Variants in SPAG16 observed in about 807,000 individuals in gnomAD.
SPAG16 encodes sperm-associated antigen 16 protein.
SPAG16 carries 86 observed loss-of-function variants against 80.4 expected under a neutral mutation model. The ratio of observed to expected loss-of-function variants is 1.07; its 90% confidence interval spans 0.90 to 1.28. SPAG16 has a LOEUF of 1.28. SPAG16 is among the 50% of genes most tolerant of loss of function. The pLI, the probability that SPAG16 is intolerant of heterozygous loss-of-function variation, is 0.00. For synonymous variants in SPAG16, 294 were observed against 265.9 expected, an observed-to-expected ratio of 1.11 and a Z score of -1.03; for missense variants, 870 against 765.3, an observed-to-expected ratio of 1.14 and a Z score of -1.61.
chr2:213,443,084 T>A lies in SPAG16; in HGVS notation c.943-46879T>A, dbSNP rs147966926. 7.2e-5 allele frequency among the ~76,000 whole-genome samples: 11 copies of A among 152,290 alleles called. No homozygotes were observed. In the East Asian group the frequency reaches 1.7e-3, roughly 24 times the overall value. ...TAAGGTGTAAAACATACTGTTTTGA[T>A]ATATATTATGCATAGTAAAATGATT... On this transcript the variant is annotated intron_variant, in intron 9 of 15. Transcript: ENST00000331683.
intron 9 of SPAG16, among the ~76,000 whole-genome samples, chr2:213,472,497 C>G (rs1322348807): frequency 6.6e-6 from 1 of 152,152 alleles, no homozygotes; most frequent in African/African-American, 2.4e-5. Flanking sequence ...TTGATGGTGG[C>G]ACTAATCTCC....
At chr2:213,612,277 A>C (rs2061462829) in intron 10 of SPAG16, among the ~76,000 whole-genome samples, 1 of 152,206 alleles carries the variant, frequency 6.6e-6, no homozygotes, top group African/African-American at 2.4e-5. Flanking sequence ...TCAGAGGGGA[A>C]ATGTCACTAT....
At position 213,863,629 on chromosome 2, in the gene SPAG16, C is replaced by T. The variant is rs544607264; in HGVS notation, c.1214+1001C>T. Among the ~76,000 whole-genome samples, 4 of 151,964 alleles carry T rather than the reference C, an allele frequency of 2.6e-5. No individual in the cohort carries two copies. The South Asian group carries it at 8.3e-4, about 32-fold the overall frequency. On this transcript the variant is annotated intron_variant, in intron 11 of 15. Coordinates refer to ENST00000331683, the MANE Select transcript of SPAG16 (RefSeq NM_024532.5). ...TATCCAGTATATAAATTAAACAGAG[C>T]CTTGCCACCCTCTCACCTCTTAGGA...
chr2:214,410,235 G>A lies in SPAG16; in HGVS notation c.1816G>A (p.Ala606Thr). Residue 606 changes from alanine (A) to threonine (T), a missense_variant, in exon 16 of 16, where the codon GCA becomes ACA. Coordinates refer to ENST00000331683, the MANE Select transcript of SPAG16 (RefSeq NM_024532.5). ...CAAATTGATGGGCCACGAAAACGAG[G>A]CACACACGGTTGTGTTTTCTCACGA... ...IHKLMGHENE[A>T]HTVVFSHDGE... 1 of 1,613,384 alleles carries A rather than the reference G, an allele frequency of 6.2e-7. No homozygotes were observed. Among genetic ancestry groups the A allele is most frequent in the Non-Finnish European group, 8.5e-7 (1 of 1,179,370 alleles).
At chr2:214,363,271 C>G (rs911891892) in intron 15 of SPAG16, among the ~76,000 whole-genome samples, 1 of 151,794 alleles carries the variant, frequency 6.6e-6, no homozygotes, top group Non-Finnish European at 1.5e-5. Flanking sequence ...GTAATCTGCC[C>G]CTGCTATCAT....
chr2:213,331,697 G>A (rs536817917), intron 5 of SPAG16, among the ~76,000 whole-genome samples: 40 of 152,184 alleles, frequency 2.6e-4, no homozygotes, highest in Non-Finnish European at 5.0e-4. Flanking sequence ...TGACCACGAT[G>A]GAATAAAACT....
chr2:214,040,400 G>C (rs1330445528), intron 13 of SPAG16, among the ~76,000 whole-genome samples: 1 of 152,092 alleles, frequency 6.6e-6, no homozygotes, highest in Non-Finnish European at 1.5e-5. Context: ...ATTAAGCCTA[G>C]TATTCATTAG....
intron 15 of SPAG16, among the ~76,000 whole-genome samples, chr2:214,177,729 T>A (rs2057139409): frequency 6.7e-6 from 1 of 150,136 alleles, no homozygotes; most frequent in Non-Finnish European, 1.5e-5. Flanking sequence ...TGTAGTTTGC[T>A]GAGTATTTAT....
intron 11 of SPAG16, among the ~76,000 whole-genome samples, chr2:213,880,020 A>C (rs536372595): frequency 6.6e-6 from 1 of 152,342 alleles, no homozygotes; most frequent in Non-Finnish European, 1.5e-5. Flanking sequence ...TAGCTAGGTC[A>C]AATGGTAGCT....
At chr2:214,052,375 C>T (rs17207529) in intron 13 of SPAG16, among the ~76,000 whole-genome samples, 30,385 of 152,108 alleles carry the variant, frequency 0.2, 3,186 homozygotes, top group East Asian at 0.31. Context: ...CAGCTTTCAA[C>T]GTTTTCTGGT....
chr2:213,421,338 G>A (rs111410256), intron 9 of SPAG16, among the ~76,000 whole-genome samples: 2,011 of 152,328 alleles, frequency 0.013, 42 homozygotes, highest in African/African-American at 0.045. Flanking sequence ...CCCGCCATTT[G>A]GCCCCCTCCA....
intron 12 of SPAG16, among the ~76,000 whole-genome samples, chr2:213,967,997 A>G (rs1244654541): frequency 1.3e-5 from 2 of 152,142 alleles, no homozygotes; most frequent in African/African-American, 4.8e-5. Flanking sequence ...TACTTATATA[A>G]TGTCCAACAT....
rs906609685 is a variant in SPAG16 at position 213,317,217 on chromosome 2, A to C, written c.399-2A>C. 3.2e-6 allele frequency: 5 copies of C among 1,562,070 alleles called. No individual in the cohort carries two copies. Among genetic ancestry groups the C allele is most frequent in the Non-Finnish European group, 4.3e-6 (5 of 1,150,764 alleles). On this transcript the variant is annotated splice_acceptor_variant, in intron 4 of 15. Transcript: ENST00000331683. LOFTEE classifies it high-confidence loss of function. The stretch of plus-strand genomic sequence containing the variant: ...AAACCCTTTTGTTTGATTTTATCCT[A>C]GGTATGAGTTAATACAGAAAGGAGT...
intron 14 of SPAG16, among the ~76,000 whole-genome samples, chr2:214,131,163 T>G (rs1457638355): frequency 1.3e-5 from 2 of 152,026 alleles, no homozygotes; most frequent in Non-Finnish European, 2.9e-5. Flanking sequence ...CTCAAACTTC[T>G]GAGAGTTTGA....
At chr2:213,818,736 G>T (rs1334148784) in intron 10 of SPAG16, among the ~76,000 whole-genome samples, 2 of 152,258 alleles carry the variant, frequency 1.3e-5, no homozygotes, top group South Asian at 4.1e-4. Flanking sequence ...CTAGTGGGAG[G>T]TGATTGTACC....
intron 15 of SPAG16, among the ~76,000 whole-genome samples, chr2:214,174,961 A>G (rs1025916885): frequency 6.6e-6 from 1 of 151,616 alleles, no homozygotes; most frequent in Non-Finnish European, 1.5e-5. Context: ...TCCTTGGCAT[A>G]GTAGCCATTT....
chr2:214,173,601 A>G (rs1222618860), intron 15 of SPAG16, among the ~76,000 whole-genome samples: 1 of 151,964 alleles, frequency 6.6e-6, no homozygotes, highest in African/African-American at 2.4e-5. Flanking sequence ...CCAACCAAAA[A>G]GAGTCCAGGA....
At chr2:213,562,907 T>A (rs1450247893) in intron 10 of SPAG16, among the ~76,000 whole-genome samples, 3 of 152,190 alleles carry the variant, frequency 2.0e-5, no homozygotes, top group African/African-American at 7.2e-5. Context: ...AAGTCTCTTA[T>A]AAGGTCACTA....
At chr2:214,059,220 GTGTATATATATA>G (rs1279705376) in intron 13 of SPAG16, among the ~76,000 whole-genome samples, 4 of 73,778 alleles carry the variant, frequency 5.4e-5, no homozygotes, top group African/African-American at 1.5e-4. Context: ...ATATATGTAT[GTGTATATATATA>G]TATATATATG....
Sources: allele counts gnomAD v4.1 joint callset (sites outside exome capture counted in the v4.1 genomes callset), GRCh38; gene constraint gnomAD v4.1.1; transcripts MANE v1.5; gene names NCBI Gene and HGNC (gene_info 2026-07-23, HGNC 2026-07-21).